FBXW11: variants seen among roughly 807,000 people sequenced by gnomAD.
FBXW11 encodes F-box and WD repeat domain containing 11, also known as F-box/WD repeat-containing protein 11.
A neutral mutation model predicts 77.6 loss-of-function variants in FBXW11; 19 were observed. The ratio of observed to expected loss-of-function variants is 0.24; its 90% CI spans 0.17 to 0.36. The LOEUF (loss-of-function observed/expected upper bound fraction) is 0.36. Ranked by LOEUF, FBXW11 falls within the 10% of genes least tolerant of loss-of-function variation. The pLI, the probability that FBXW11 is intolerant of heterozygous loss-of-function variation, is 1.00. For synonymous variants in FBXW11, 235 were observed against 249.4 expected, an observed-to-expected ratio of 0.94 and a Z score of 0.54; for missense variants, 334 against 704.2, an observed-to-expected ratio of 0.47 and a Z score of 5.95.
At chr5:171,945,692 G>A (rs753665291) in intron 2 of FBXW11, among the ~76,000 whole-genome samples, 4 of 152,104 alleles carry the variant, frequency 2.6e-5, no homozygotes, top group African/African-American at 7.2e-5. Flanking sequence ...AAGTAGAAAC[G>A]TATCACATTT....
chr5:171,962,035 T>C (rs973609349), intron 1 of FBXW11, among the ~76,000 whole-genome samples: 2 of 152,246 alleles, frequency 1.3e-5, no homozygotes, highest in East Asian at 1.9e-4. Flanking sequence ...TTATCCATGA[T>C]TGCTTAACTA....
chr5:171,937,837 C>CAAAAAAAAAAAAAAAAA (rs893848306), intron 2 of FBXW11, among the ~76,000 whole-genome samples: 1 of 57,786 alleles, frequency 1.7e-5, no homozygotes. Context: ...CAAAAAAAAG[C>CAAAAAAAAAAAAAAAAA]AAAAAAAAAA....
At chr5:171,988,943 G>A (rs769373002) in intron 1 of FBXW11, among the ~76,000 whole-genome samples, 76 of 152,136 alleles carry the variant, frequency 5.0e-4, no homozygotes, top group African/African-American at 1.8e-3. Context: ...TTGGGAGGCC[G>A]AGGTGGGCGA....
intron 1 of FBXW11, among the ~76,000 whole-genome samples, chr5:171,966,063 T>C (rs1038934285): frequency 3.3e-5 from 5 of 152,198 alleles, no homozygotes; most frequent in Non-Finnish European, 5.9e-5. Context: ...TCCTAAGGCC[T>C]CCCAATCATG....
intron 6 of FBXW11, among the ~76,000 whole-genome samples, chr5:171,895,936 T>C (rs1233266371): frequency 3.3e-5 from 5 of 152,162 alleles, no homozygotes; most frequent in African/African-American, 1.2e-4. Flanking sequence ...CTCTAAACCC[T>C]CTCTATGTGT....
At chr5:171,883,638 G>C (rs115517140) in intron 7 of FBXW11, among the ~76,000 whole-genome samples, 172 of 152,288 alleles carry the variant, frequency 1.1e-3, no homozygotes, top group Non-Finnish European at 1.6e-3. Flanking sequence ...ATCCATGCCA[G>C]CATCTACTGT....
At chr5:171,958,503 A>G (rs1763733453) in intron 1 of FBXW11, among the ~76,000 whole-genome samples, 1 of 152,188 alleles carries the variant, frequency 6.6e-6, no homozygotes, top group Non-Finnish European at 1.5e-5. Context: ...AAGGAAAAAC[A>G]TTGGAACGTC....
intron 2 of FBXW11, among the ~76,000 whole-genome samples, chr5:171,915,650 T>TGTGTGTGTGTGTGTGTGAGA: frequency 6.6e-6 from 1 of 151,328 alleles, no homozygotes; most frequent in Non-Finnish European, 1.5e-5. Context: ...TGTGTGTGTG[T>TGTGTGTGTGTGTGTGTGAGA]GAGCCTGAGC....
intron 6 of FBXW11, among the ~76,000 whole-genome samples, chr5:171,893,421 CAAAAAAAAAAAAA>C (rs397999920): frequency 2.5e-5 from 1 of 39,854 alleles, no homozygotes; most frequent in Non-Finnish European, 4.5e-5. Flanking sequence ...ACTTCAAAAC[CAAAAAAAAAAAAA>C]AAAAAAAAAA....
intron 1 of FBXW11, among the ~76,000 whole-genome samples, chr5:171,988,690 CA>C (rs1418131967): frequency 1.5e-4 from 23 of 150,654 alleles, no homozygotes; most frequent in Admixed American, 4.6e-4. Flanking sequence ...AATAAAAATA[CA>C]AAAATTAGCC....
chr5:171,982,462 C>T (rs545847342), intron 1 of FBXW11, among the ~76,000 whole-genome samples: 51 of 152,184 alleles, frequency 3.4e-4, no homozygotes, highest in African/African-American at 1.2e-3. Flanking sequence ...TTAGTAGATA[C>T]GGGGTTACAT....
At chr5:171,959,094 G>A (rs1177259232) in intron 1 of FBXW11, among the ~76,000 whole-genome samples, 2 of 150,578 alleles carry the variant, frequency 1.3e-5, no homozygotes, top group Middle Eastern at 3.2e-3. Flanking sequence ...TATGATACAC[G>A]GAATATTGAG....
At chr5:171,880,342 G>A (rs1157304457) in intron 7 of FBXW11, among the ~76,000 whole-genome samples, 1 of 152,188 alleles carries the variant, frequency 6.6e-6, no homozygotes, top group African/African-American at 2.4e-5. Flanking sequence ...TGTGATGACT[G>A]CAGTTTTACA....
chr5:171,996,882 T>C (rs1365655186), intron 1 of FBXW11: 6 of 1,280,850 alleles, frequency 4.7e-6, no homozygotes, highest in Non-Finnish European at 6.1e-6. Context: ...TACAGGGTAA[T>C]TGCTTACCTG....
intron 1 of FBXW11, among the ~76,000 whole-genome samples, chr5:171,966,994 T>C (rs1269673251): frequency 6.6e-6 from 1 of 152,238 alleles, no homozygotes; most frequent in Admixed American, 6.5e-5. Flanking sequence ...AACTGCATTC[T>C]ATCTGACTCT....
At chr5:171,939,799 G>GT (rs1762657431) in intron 2 of FBXW11, among the ~76,000 whole-genome samples, 1 of 151,638 alleles carries the variant, frequency 6.6e-6, no homozygotes, top group Non-Finnish European at 1.5e-5. Context: ...TTTGCAAGGC[G>GT]TGTCATCCCT....
chr5:171,952,021 C>T (rs1763346453), intron 2 of FBXW11, among the ~76,000 whole-genome samples: 1 of 152,006 alleles, frequency 6.6e-6, no homozygotes, highest in Admixed American at 6.6e-5. Flanking sequence ...TTCCTAAGAG[C>T]CCCATTAAGT....
chr5:171,980,706 A>G (rs888834011), intron 1 of FBXW11, among the ~76,000 whole-genome samples: 1 of 152,232 alleles, frequency 6.6e-6, no homozygotes, highest in Non-Finnish European at 1.5e-5. Flanking sequence ...TAGAGCAACT[A>G]AACTCATATT....
intron 3 of FBXW11, among the ~76,000 whole-genome samples, chr5:171,913,815 A>G (rs1381791409): frequency 7.5e-6 from 1 of 132,670 alleles, no homozygotes; most frequent in African/African-American, 2.8e-5. Flanking sequence ...AACCACACAC[A>G]CATACACACA....
Sources: allele counts gnomAD v4.1 joint callset (sites outside exome capture counted in the v4.1 genomes callset), GRCh38; gene constraint gnomAD v4.1.1; transcripts MANE v1.5; gene names NCBI Gene and HGNC (gene_info 2026-07-23, HGNC 2026-07-21).